SEPTIN2: variants seen among roughly 807,000 people sequenced by gnomAD.
The protein encoded by SEPTIN2 is septin-2.
In SEPTIN2, 34 loss-of-function variants were observed where a neutral mutation model predicts 46.5. The observed-to-expected ratio is 0.73, with a 90% CI of 0.56 to 0.97. The LOEUF (loss-of-function observed/expected upper bound fraction) is 0.97. Among genes scored for constraint, SEPTIN2 ranks in the 50% least tolerant of loss-of-function variants. The pLI is 0.00. For missense variants in SEPTIN2, 347 were observed against 448.4 expected (o/e 0.77, Z 2.04); for synonymous variants, 175 against 153.4 (o/e 1.14, Z -1.04).
intron 1 of SEPTIN2, chr2:241,316,570 C>G: frequency 6.6e-7 from 1 of 1,506,486 alleles, no homozygotes; most frequent in African/African-American, 1.4e-5. Context: ...GGACAGGCAG[C>G]AGGGGGTAGG....
intron 2 of SEPTIN2, chr2:241,325,148 G>A (rs1031848032): frequency 6.6e-6 from 1 of 151,778 alleles, no homozygotes; most frequent in Non-Finnish European, 1.5e-5. Flanking sequence ...TTTTTCACCT[G>A]TGTGTGCATT....
chr2:241,324,826 A>G (rs1255277320), intron 2 of SEPTIN2: 1 of 152,788 alleles, frequency 6.5e-6, no homozygotes, highest in Non-Finnish European at 1.5e-5. Context: ...ATAATTTATT[A>G]TGATGAAATT....
intron 4 of SEPTIN2, chr2:241,335,597 C>T (rs2079821826): frequency 1.7e-6 from 1 of 589,642 alleles, no homozygotes; most frequent in African/African-American, 1.9e-5. Flanking sequence ...ACACCAGCAT[C>T]CACAAATGAC....
intron 1 of SEPTIN2, among the ~76,000 whole-genome samples, chr2:241,323,586 AT>A (rs757952068): frequency 6.6e-6 from 1 of 152,104 alleles, no homozygotes; most frequent in African/African-American, 2.4e-5. Context: ...TATTTTTGTA[AT>A]GATAGATGCT....
rs555111491 is a variant in SEPTIN2 at position 241,322,021 on chromosome 2, C to G, written c.-17-2195C>G. Among the ~76,000 whole-genome samples the G allele has an allele frequency of 2.0e-5, 3 of 152,268 alleles. No homozygotes were observed. The East Asian group carries it at 5.8e-4, about 29-fold the overall frequency. On this transcript the variant is annotated intron_variant, in intron 1 of 12. Coordinates refer to ENST00000391971, the MANE Select transcript of SEPTIN2 (RefSeq NM_004404.5). ...GGCTCTTGAACCTTACTGCTACTAT[C>G]CCTTGGTTAACCAAGCCAAATAACA...
Position 241,337,755 on chromosome 2 carries a change from C to G in SEPTIN2, c.559C>G (p.Leu187Val), listed in dbSNP as rs1434400019. The change falls in exon 7 of 13, where the codon CTC becomes GTC. Residue 187 changes from leucine (L) to valine (V), a missense_variant. Leu to Val is a conservative substitution (Grantham distance 32, BLOSUM62 1). Transcript: ENST00000391971. ...GCCTGTCATTGCAAAAGCTGACACT[C>G]TCACCCTGAAGGAACGGGAGCGGCT... ...IVPVIAKADT[L>V]TLKERERLKK... 6.2e-7 allele frequency: 1 copy of G among 1,614,026 alleles called. No homozygotes were observed. The highest frequency in any genetic ancestry group is 1.1e-5 in the South Asian group (1 of 91,078).
chr2:241,333,783 G>A (rs1005851443), intron 3 of SEPTIN2, among the ~76,000 whole-genome samples: 1 of 152,314 alleles, frequency 6.6e-6, no homozygotes, highest in African/African-American at 2.4e-5. Flanking sequence ...GATTACAGGC[G>A]TGGGCCACCG....
At chr2:241,324,187 T>C (rs2077566151) in intron 1 of SEPTIN2, 29 bp from the exon 2 acceptor site, 10 of 1,606,380 alleles carry the variant, frequency 6.2e-6, no homozygotes, top group African/African-American at 2.7e-5. Flanking sequence ...TGTGCGTTTA[T>C]GTGTGTCTGT....
At chr2:241,317,451 T>C in intron 1 of SEPTIN2, 1 of 761,620 alleles carries the variant, frequency 1.3e-6, no homozygotes, top group Non-Finnish European at 1.6e-6. Context: ...GGTTTCCCTC[T>C]ATCATTCATA....
At chr2:241,327,194 T>A (rs1483912201) in intron 3 of SEPTIN2, among the ~76,000 whole-genome samples, 1 of 147,506 alleles carries the variant, frequency 6.8e-6, no homozygotes, top group African/African-American at 2.5e-5. Flanking sequence ...TAGAAACAGA[T>A]CCAGAAATGA....
chr2:241,348,605 A>G (rs1194801344), intron 11 of SEPTIN2, among the ~76,000 whole-genome samples: 2 of 152,074 alleles, frequency 1.3e-5, no homozygotes, highest in Non-Finnish European at 2.9e-5. Flanking sequence ...CTTAAAGTTT[A>G]TAGTTTTTTT....
chr2:241,321,266 A>AT (rs543920192), intron 1 of SEPTIN2, among the ~76,000 whole-genome samples: 31 of 148,172 alleles, frequency 2.1e-4, no homozygotes, highest in East Asian at 4.0e-4. Flanking sequence ...TCTCACTTGA[A>AT]TTTTTTTTTT....
intron 2 of SEPTIN2, 132 bp from the exon 3 acceptor site, chr2:241,325,861 C>T: frequency 1.4e-6 from 1 of 729,958 alleles, no homozygotes; most frequent in Non-Finnish European, 2.1e-6. Context: ...GTATGACCTT[C>T]TGGAAGTGTT....
At position 241,317,316 on chromosome 2, in the gene SEPTIN2, C is replaced by T. The variant is rs965429800; in HGVS notation, c.-18+1334C>T. Among the ~76,000 whole-genome samples the T allele has an allele frequency of 3.3e-5, 5 of 152,130 alleles. No individual in the cohort carries two copies. In the South Asian group the frequency reaches 6.2e-4, roughly 19 times the overall value. ...GGTTGTCCTGATTTTTTTTCCTCAACTTCCACCTTGATTTCTCTCACCAGT... is the reference window on the plus strand; with the variant it reads ...GGTTGTCCTGATTTTTTTTCCTCAATTTCCACCTTGATTTCTCTCACCAGT... On this transcript the variant is annotated intron_variant, in intron 1 of 12. Transcript: ENST00000391971.
At chr2:241,327,100 A>G (rs920622729) in intron 3 of SEPTIN2, among the ~76,000 whole-genome samples, 3 of 151,028 alleles carry the variant, frequency 2.0e-5, no homozygotes, top group Non-Finnish European at 4.4e-5. Flanking sequence ...ACAGTGTAAC[A>G]TTCACAATGT....
At chr2:241,335,302 TTTTG>T (rs755759923) in intron 4 of SEPTIN2, 90 bp downstream of exon 4, 7 of 1,563,496 alleles carry the variant, frequency 4.5e-6, no homozygotes, top group African/African-American at 1.4e-5. Flanking sequence ...TAGCTGTGTG[TTTTG>T]TTTGTTCTTG....
At chr2:241,326,134 C>G (rs776873795) in intron 3 of SEPTIN2, 21 bp downstream of exon 3, 4 of 1,596,134 alleles carry the variant, frequency 2.5e-6, no homozygotes, top group Admixed American at 3.5e-5. Flanking sequence ...AATCTATAGT[C>G]TCCAACTTAC....
intron 2 of SEPTIN2, chr2:241,324,610 C>G (rs1295145257): frequency 3.1e-5 from 10 of 322,776 alleles, no homozygotes; most frequent in South Asian, 2.4e-4. Flanking sequence ...TGGCCTTGAT[C>G]TGTTGACCTC....
chr2:241,349,647 C>T (rs945300429), intron 11 of SEPTIN2, among the ~76,000 whole-genome samples: 2 of 151,948 alleles, frequency 1.3e-5, no homozygotes, highest in African/African-American at 4.8e-5. Flanking sequence ...GTGGTGAAAC[C>T]CCGTCTCTAC....
Sources: allele counts gnomAD v4.1 joint callset (sites outside exome capture counted in the v4.1 genomes callset), GRCh38; gene constraint gnomAD v4.1.1; transcripts MANE v1.5; gene names NCBI Gene and HGNC (gene_info 2026-07-23, HGNC 2026-07-21).